LIPA: variants seen among roughly 807,000 people sequenced by gnomAD.
The protein encoded by LIPA is lipase A, lysosomal acid type.
In LIPA, 26 loss-of-function variants were observed where a neutral mutation model predicts 40.6. The ratio of observed to expected loss-of-function variants is 0.64; its 90% CI spans 0.47 to 0.89. The LOEUF is 0.89. Ranked by LOEUF, LIPA falls within the 40% of genes least tolerant of loss-of-function variation. The probability of loss-of-function intolerance (pLI) is 0.00; values close to 1 mark genes in which losing one functional copy is unlikely to be tolerated. For missense variants in LIPA, 455 were observed against 479.6 expected (o/e 0.95, Z 0.48); for synonymous variants, 188 against 168.4 (o/e 1.12, Z -0.90).
intron 2 of LIPA, among the ~76,000 whole-genome samples, chr10:89,351,151 A>G (rs557211376): frequency 6.6e-6 from 1 of 152,180 alleles, no homozygotes; most frequent in Admixed American, 6.5e-5. Context: ...CCATGTCTCT[A>G]TAAAAAATAC....
rs1450758066 is a variant in LIPA, at chr10:89,221,700, CCT to C, written c.894+809_894+810del. ...TTATGTCCTGAGGTAGAAAGAAGTC[CCT>C]GACATATTGTCAGGTGAAAAAAGAA... is the stretch of plus-strand genomic sequence containing the variant. On this transcript the variant is annotated intron_variant, in intron 8 of 9. Transcript: ENST00000336233. Among the ~76,000 whole-genome samples the C allele has an allele frequency of 4.6e-5, 7 of 151,980 alleles. 1 individual carries two copies. Among genetic ancestry groups the C allele is most frequent in the African/African-American group, 1.7e-4 (7 of 41,370 alleles).
At chr10:89,334,071 C>T (rs1035934143) in intron 1 of LIPA, among the ~76,000 whole-genome samples, 1 of 152,246 alleles carries the variant, frequency 6.6e-6, no homozygotes, top group Non-Finnish European at 1.5e-5. Context: ...ACAAGCTGCA[C>T]ATGTGCAGAC....
intron 3 of LIPA, among the ~76,000 whole-genome samples, chr10:89,242,835 A>G (rs569980791): frequency 6.6e-6 from 1 of 152,348 alleles, no homozygotes; most frequent in East Asian, 1.9e-4. Flanking sequence ...TTAGTATACG[A>G]GGAGCCTTGA....
At chr10:89,298,319 T>C (rs1246079875) in intron 1 of LIPA, among the ~76,000 whole-genome samples, 1 of 152,232 alleles carries the variant, frequency 6.6e-6, no homozygotes, top group South Asian at 2.1e-4. Flanking sequence ...GCCTGAAGAC[T>C]GGCCCACATG....
chr10:89,403,596 A>G, intron 2 of LIPA: 2 of 1,614,086 alleles, frequency 1.2e-6, no homozygotes. Context: ...GGAAAGCTTG[A>G]GCCTCCTTGG....
chr10:89,309,959 AC>A (rs1231098444), intron 1 of LIPA, among the ~76,000 whole-genome samples: 2 of 152,258 alleles, frequency 1.3e-5, no homozygotes, highest in Non-Finnish European at 2.9e-5. Context: ...GTGCTCATGA[AC>A]CCGTTTATCA....
intron 1 of LIPA, among the ~76,000 whole-genome samples, chr10:89,331,448 C>T (rs1046898269): frequency 5.9e-5 from 9 of 152,180 alleles, no homozygotes; most frequent in Non-Finnish European, 1.3e-4. Flanking sequence ...GCTGAGATTA[C>T]AGGCGTGAGC....
rs370301176 is a variant in LIPA at position 89,379,895 on chromosome 10, A to C, written c.61+32896T>G. Among the ~76,000 whole-genome samples, 135 of 151,966 alleles carry C rather than the reference A, an allele frequency of 8.9e-4. 3 individuals carry two copies. The East Asian group carries it at 0.017, about 19-fold the overall frequency. ...TAAAAAATACAAAAAATTAGCCGGG[A>C]GTGGTGGCGGGCGCCTGTAGTCCCA... On this transcript the variant is annotated intron_variant, in intron 2 of 8. Transcript: ENST00000371837.
intron 1 of LIPA, among the ~76,000 whole-genome samples, chr10:89,316,919 G>A (rs561841054): frequency 6.6e-6 from 1 of 152,332 alleles, no homozygotes; most frequent in African/African-American, 2.4e-5. Flanking sequence ...CCTTTCTGCA[G>A]CCTCCACTGG....
chr10:89,362,731 A>T, intron 2 of LIPA: 1 of 743,620 alleles, frequency 1.3e-6, no homozygotes, highest in Non-Finnish European at 2.1e-6. Flanking sequence ...CCTGAGATGA[A>T]CTGTGAGGAA....
intron 1 of LIPA, among the ~76,000 whole-genome samples, chr10:89,316,033 T>C (rs908587810): frequency 2.6e-5 from 4 of 152,220 alleles, no homozygotes; most frequent in Non-Finnish European, 5.9e-5. Flanking sequence ...GTCTTTCATA[T>C]AACCGGCTCC....
intron 2 of LIPA, chr10:89,362,971 T>C (rs555631655): frequency 7.2e-5 from 19 of 264,268 alleles, no homozygotes; most frequent in Non-Finnish European, 1.4e-4. Context: ...AAGGTTATCC[T>C]TGCCCTGAAG....
In LIPA at chr10:89,353,897, C is replaced by T. The variant is rs563932934; in HGVS notation, c.61+58894G>A. ...CAGAGCTTGCAGTGAGCCGAGATCA[C>T]GCCACTGCACTCTAGCCTGGGTGAC... On this transcript the variant is annotated intron_variant, in intron 2 of 8. Transcript: ENST00000371837. 1.1e-4 allele frequency among the ~76,000 whole-genome samples: 17 copies of T among 151,976 alleles called. No homozygotes were observed. The East Asian group carries it at 3.3e-3, about 29-fold the overall frequency.
chr10:89,412,680 G>A (rs1490300483), intron 2 of LIPA: 5 of 400,158 alleles, frequency 1.2e-5, no homozygotes, highest in Non-Finnish European at 2.0e-5. Flanking sequence ...GTGAAACCAC[G>A]AACCCACCGG....
chr10:89,378,516 G>GA (rs1437945952), intron 2 of LIPA, among the ~76,000 whole-genome samples: 1 of 152,150 alleles, frequency 6.6e-6, no homozygotes, highest in Admixed American at 6.5e-5. Context: ...GGCCTTTGGT[G>GA]AAAAAATCAC....
intron 1 of LIPA, among the ~76,000 whole-genome samples, chr10:89,247,999 C>T (rs1044948021): frequency 1.3e-5 from 2 of 151,616 alleles, no homozygotes; most frequent in African/African-American, 4.9e-5. Context: ...TCCCAAGTAG[C>T]TGGGACAACA....
intron 1 of LIPA, among the ~76,000 whole-genome samples, chr10:89,272,759 T>C (rs1843271964): frequency 6.6e-6 from 1 of 152,214 alleles, no homozygotes; most frequent in African/African-American, 2.4e-5. Context: ...CCAGCATCTA[T>C]TATTTTTGGA....
chr10:89,259,121 C>T (rs934373054), intron 1 of LIPA, among the ~76,000 whole-genome samples: 9 of 152,268 alleles, frequency 5.9e-5, no homozygotes, highest in African/African-American at 2.2e-4. Flanking sequence ...ATGATAGTTG[C>T]ACAGCTCTGC....
Position 89,276,903 on chromosome 10 carries a change from C to T in LIPA, c.-1-29254G>A, listed in dbSNP as rs1254724910. Among the ~76,000 whole-genome samples the T allele has an allele frequency of 3.7e-4, 56 of 152,212 alleles. 1 individual carries two copies. The highest frequency in any genetic ancestry group is 2.4e-5 in the African/African-American group (1 of 41,512). ...ACTAAATAATGGCTAGAGGAGCTAG[C>T]GAGTGGCAGGTCTGAGGTCGAACGA... On this transcript the variant is annotated intron_variant, in intron 1 of 5. Coordinates refer to the LIPA transcript ENST00000282673.
Sources: gnomAD v4.1 joint callset for allele counts (sites outside exome capture counted in the v4.1 genomes callset) on GRCh38, gnomAD v4.1.1 for gene constraint, MANE v1.5 for transcripts, NCBI Gene and HGNC (gene_info 2026-07-23, HGNC 2026-07-21) for gene names.